Variants in LIX1L observed in about 807,000 individuals in gnomAD.
LIX1L encodes the protein LIX1-like protein.
LIX1L carries 20 observed loss-of-function variants against 34.0 expected under a neutral mutation model. The observed-to-expected ratio is 0.59, with a 90% confidence interval of 0.41 to 0.85. The LOEUF (loss-of-function observed/expected upper bound fraction) is 0.85, where lower values mean the gene tolerates loss of function less well. Ranked by LOEUF, LIX1L falls within the 40% of genes least tolerant of loss-of-function variation. The pLI, the probability that LIX1L is intolerant of heterozygous loss-of-function variation, is 0.00. For missense variants in LIX1L, 397 were observed against 447.0 expected (o/e 0.89, Z 1.01); for synonymous variants, 170 against 187.4 (o/e 0.91, Z 0.76).
chr1:145,936,233 A>C lies in LIX1L; in HGVS notation c.*77T>G. The C allele has an allele frequency of 6.6e-7, 1 of 1,504,028 alleles. No individual in the cohort carries two copies. Among genetic ancestry groups the C allele is most frequent in the Non-Finnish European group, 9.0e-7 (1 of 1,114,862 alleles). 93.2% of individuals were successfully genotyped at this position (1,504,028 alleles called of 1,614,324 possible). ...AGTATAAAAATGAGAAAGTATGTAC[A>C]AAAAATCATCCTAAATCTTAGAAAG... On this transcript the variant is annotated 3_prime_UTR_variant, in exon 6 of 6. Transcript: ENST00000604000.
chr1:145,944,342 G>T (rs140387379), intron 2 of LIX1L, among the ~76,000 whole-genome samples: 4,445 of 152,254 alleles, frequency 0.029, 254 homozygotes, highest in African/African-American at 0.1. Context: ...CTGGGCAACA[G>T]AGCACAACTC....
chr1:145,954,405 C>A (rs150434409), intron 1 of LIX1L, among the ~76,000 whole-genome samples: 197 of 152,256 alleles, frequency 1.3e-3, no homozygotes, highest in African/African-American at 4.2e-3. Flanking sequence ...AATATTCAGC[C>A]CAACCCATTT....
chr1:145,935,533 G>A lies in LIX1L; in HGVS notation c.*777C>T, dbSNP rs1648605813. On this transcript the variant is annotated 3_prime_UTR_variant, in exon 6 of 6. Coordinates refer to ENST00000604000, the MANE Select transcript of LIX1L (RefSeq NM_153713.3). ...AGGTCCAAACGCAGGGTTTAACTAAGCTGGGGGAGTAGGGGAGATGTTTAG... is the reference window on the plus strand; with the variant it reads ...AGGTCCAAACGCAGGGTTTAACTAAACTGGGGGAGTAGGGGAGATGTTTAG... 6.6e-6 allele frequency: 1 copy of A among 152,524 alleles called. No individual in the cohort carries two copies. The highest frequency in any genetic ancestry group is 1.5e-5 in the Non-Finnish European group (1 of 68,136). 9.4% of individuals were successfully genotyped at this position (152,524 alleles called of 1,614,324 possible).
chr1:145,957,610 G>T, intron 1 of LIX1L, 26 bp downstream of exon 1: 1 of 1,484,402 alleles, frequency 6.7e-7, no homozygotes, highest in Admixed American at 2.5e-5. Context: ...AGGGTGTCGC[G>T]CAGGAGGCCA....
Position 145,937,700 on chromosome 1 carries a change from C to G in LIX1L, c.598-1G>C. ...GGTTGTCAGCTTCCTCCCTGTTGCC[C>G]TGGTAGTAGAGGAACAGAAAAGACA... On this transcript the variant is annotated splice_acceptor_variant, in intron 3 of 5. Transcript: ENST00000604000. LOFTEE classifies it high-confidence loss of function. 1 of 1,589,916 alleles carries G rather than the reference C, an allele frequency of 6.3e-7. No individual in the cohort carries two copies. Among genetic ancestry groups the G allele is most frequent in the Non-Finnish European group, 8.6e-7 (1 of 1,157,996 alleles).
intron 3 of LIX1L, among the ~76,000 whole-genome samples, chr1:145,938,520 T>C (rs1648756891): frequency 6.6e-6 from 1 of 152,188 alleles, no homozygotes; most frequent in Admixed American, 6.5e-5. Flanking sequence ...GGAATAATCA[T>C]AGAGCTACCT....
chr1:145,943,098 T>C (rs1471190649), intron 2 of LIX1L, among the ~76,000 whole-genome samples: 3 of 152,212 alleles, frequency 2.0e-5, no homozygotes, highest in Non-Finnish European at 4.4e-5. Flanking sequence ...CCAAACTGAA[T>C]GCAGAACGAG....
chr1:145,952,543 A>T (rs1474204590), intron 1 of LIX1L, among the ~76,000 whole-genome samples: 2 of 152,172 alleles, frequency 1.3e-5, no homozygotes, highest in Admixed American at 1.3e-4. Flanking sequence ...CCTTTAGGAG[A>T]TAAAATATAC....
intron 3 of LIX1L, chr1:145,940,174 C>T (rs1553758414): frequency 6.6e-6 from 1 of 151,966 alleles, no homozygotes; most frequent in Non-Finnish European, 1.5e-5. Flanking sequence ...CCATGTTGGC[C>T]AGGCTGGTCT....
chr1:145,936,423 C>G lies in LIX1L; in HGVS notation c.901G>C (p.Glu301Gln), dbSNP rs782402799. ...LSRELASTER[E>Q]LDEARLAGKE... The stretch of plus-strand genomic sequence containing the variant: ...CCTGCCAGTCGGGCTTCATCCAGCT[C>G]CCGCTCAGTAGAGGCCAGCTCTCTA... The change falls in exon 6 of 6, where the codon GAG becomes CAG. Residue 301 changes from glutamate to glutamine, a missense_variant. Coordinates refer to ENST00000604000, the MANE Select transcript of LIX1L (RefSeq NM_153713.3). 24 of 1,614,058 alleles carry G rather than the reference C, an allele frequency of 1.5e-5. No individual in the cohort carries two copies. The East Asian group carries it at 4.9e-4, about 33-fold the overall frequency.
intron 3 of LIX1L, among the ~76,000 whole-genome samples, chr1:145,940,686 G>A (rs1335883963): frequency 6.6e-6 from 1 of 150,566 alleles, no homozygotes; most frequent in Non-Finnish European, 1.5e-5. Context: ...AAGTAGCTGG[G>A]ACTACAGGCG....
Position 145,947,734 on chromosome 1 carries a change from C to G in LIX1L, c.341G>C (p.Arg114Pro). ...LQEFWQMKQS[R>P]GADLKNGALV... ...AGCCCCATTCTTTAAGTCAGCACCA[C>G]GGGACTGCTTCATCTGCCAGAATTC... Residue 114 changes from arginine (R) to proline (P), a missense_variant, in exon 2 of 6, where the codon CGT (arginine) becomes CCT (proline). By Grantham distance (103) the Arg-to-Pro change is moderately radical (BLOSUM62 -2). Coordinates refer to ENST00000604000, the MANE Select transcript of LIX1L (RefSeq NM_153713.3). 6.2e-7 allele frequency: 1 copy of G among 1,614,108 alleles called. No homozygotes were observed. The highest frequency in any genetic ancestry group is 8.5e-7 in the Non-Finnish European group (1 of 1,180,026).
At chr1:145,945,474 C>T (rs1352617541) in intron 2 of LIX1L, among the ~76,000 whole-genome samples, 1 of 151,706 alleles carries the variant, frequency 6.6e-6, no homozygotes, top group Non-Finnish European at 1.5e-5. Context: ...CAGCCAGGCA[C>T]GGTGGCTCAC....
rs587624715 is a variant in LIX1L at position 145,949,085 on chromosome 1, T to G, written c.293-1303A>C. 18 of 152,306 alleles carry G rather than the reference T, an allele frequency of 1.2e-4. 1 individual carries two copies. The South Asian group carries it at 3.5e-3, about 30-fold the overall frequency. 9.4% of individuals were successfully genotyped at this position (152,306 alleles called of 1,614,324 possible). Reference sequence around the variant, plus strand: ...GTCTCTTGACTTCTGCCAGCACCCATGAAACAGTAAATGGCTAATTTATTA... The same window carrying G: ...GTCTCTTGACTTCTGCCAGCACCCAGGAAACAGTAAATGGCTAATTTATTA... On this transcript the variant is annotated intron_variant, in intron 1 of 5. Coordinates refer to ENST00000604000, the MANE Select transcript of LIX1L (RefSeq NM_153713.3).
intron 1 of LIX1L, 21 bp downstream of exon 1, chr1:145,957,615 A>G: frequency 6.7e-7 from 1 of 1,493,170 alleles, no homozygotes; most frequent in Non-Finnish European, 8.9e-7. Context: ...GTCGCGCAGG[A>G]GGCCAGACCC....
At position 145,957,626 on chromosome 1, in the gene LIX1L, G is replaced by T; in HGVS notation, c.292+10C>A. 1 of 1,517,300 alleles carries T rather than the reference G, an allele frequency of 6.6e-7. No individual in the cohort carries two copies. Among genetic ancestry groups the T allele is most frequent in the South Asian group, 1.2e-5 (1 of 80,462 alleles). The allele number at this position is 1,517,300 out of a possible 1,614,324, so 94.0% of individuals were successfully genotyped here. ...GGGTGTCGCGCAGGAGGCCAGACCCGCAGACTCACCTCGGCCATAGCCCTG... is the reference window on the plus strand; with the variant it reads ...GGGTGTCGCGCAGGAGGCCAGACCCTCAGACTCACCTCGGCCATAGCCCTG... On this transcript the variant is annotated intron_variant, in intron 1 of 5. Coordinates refer to ENST00000604000, the MANE Select transcript of LIX1L (RefSeq NM_153713.3).
chr1:145,949,423 A>G (rs1649214748), intron 1 of LIX1L, among the ~76,000 whole-genome samples: 1 of 152,228 alleles, frequency 6.6e-6, no homozygotes, highest in Non-Finnish European at 1.5e-5. Flanking sequence ...CAGCATGTTC[A>G]AAGGCTCATG....
chr1:145,947,919 C>T (rs180694933), intron 1 of LIX1L, 137 bp from the exon 2 acceptor site: 1 of 704,396 alleles, frequency 1.4e-6, no homozygotes, highest in East Asian at 2.6e-5. Context: ...CATTGAAAAG[C>T]ATTTAAGTTA....
chr1:145,937,153 T>C (rs1648682694), intron 4 of LIX1L, among the ~76,000 whole-genome samples, 168 bp from the exon 5 acceptor site: 1 of 149,526 alleles, frequency 6.7e-6, no homozygotes, highest in South Asian at 2.1e-4. Flanking sequence ...TTTATTTATT[T>C]ATTTATTTAT....
Sources: allele counts gnomAD v4.1 joint callset (sites outside exome capture counted in the v4.1 genomes callset), GRCh38; gene constraint gnomAD v4.1.1; transcripts MANE v1.5; gene names NCBI Gene and HGNC (gene_info 2026-07-23, HGNC 2026-07-21).